Variants in SPINK7 observed in about 807,000 individuals in gnomAD.
The protein encoded by SPINK7 is serine peptidase inhibitor Kazal type 7.
Under a neutral mutation model 11.6 loss-of-function variants are expected in SPINK7, and 8 were observed. The ratio of observed to expected loss-of-function variants is 0.69; its 90% CI spans 0.41 to 1.25. The LOEUF (loss-of-function observed/expected upper bound fraction) is 1.25. Ranked by LOEUF, SPINK7 falls within the 50% of genes most tolerant of loss-of-function variation. The probability of loss-of-function intolerance (pLI) is 0.01; values close to 1 mark genes in which losing one functional copy is unlikely to be tolerated. For missense variants in SPINK7, 113 were observed against 99.3 expected (o/e 1.14, Z -0.58); for synonymous variants, 38 against 35.3 (o/e 1.08, Z -0.27).
chr5:148,312,603 C>A, intron 1 of SPINK7, 59 bp downstream of exon 1: 1 of 966,558 alleles, frequency 1.0e-6, no homozygotes, highest in Non-Finnish European at 1.6e-6. Context: ...ATAAATAATC[C>A]CTCCTGCGAT....
Position 148,315,641 on chromosome 5 carries a change from A to G in SPINK7, c.215A>G (p.Lys72Arg), listed in dbSNP as rs1182952759. 4 of 1,596,704 alleles carry G rather than the reference A, an allele frequency of 2.5e-6. No homozygotes were observed. The highest frequency in any genetic ancestry group is 3.4e-6 in the Non-Finnish European group (4 of 1,164,756). ...NECHLCTESL[K>R]SNGRVQFLHD... ...TTGTGAACTGTGTCTTCCCTTAGGA[A>G]AAGTAATGGAAGAGTTCAGTTTCTT... is the stretch of plus-strand genomic sequence containing the variant. Residue 72 changes from lysine (K) to arginine (R), a missense_variant and splice_region_variant, in exon 4 of 4, where the codon AAA becomes AGA. Coordinates refer to ENST00000274565, the MANE Select transcript of SPINK7 (RefSeq NM_032566.3).
intron 2 of SPINK7, chr5:148,313,880 T>G: frequency 1.8e-6 from 1 of 567,118 alleles, no homozygotes; most frequent in Non-Finnish European, 3.1e-6. Flanking sequence ...GTTTAACGCC[T>G]AGCCCAGAAA....
At chr5:148,313,458 T>C (rs1756888850) in intron 2 of SPINK7, 59 bp downstream of exon 2, 2 of 1,276,360 alleles carry the variant, frequency 1.6e-6, no homozygotes, top group Non-Finnish European at 2.2e-6. Flanking sequence ...TTAGTCAACA[T>C]ATATGTAGGA....
chr5:148,312,524 T>C lies in SPINK7; in HGVS notation c.41T>C (p.Val14Ala). The change falls in exon 1 of 4, where the codon GTC (valine) becomes GCC (alanine). Residue 14 changes from valine to alanine, a missense_variant. Val to Ala is a moderately conservative substitution (Grantham distance 64). Coordinates refer to ENST00000274565, the MANE Select transcript of SPINK7 (RefSeq NM_032566.3). ...GGTCTCCTTCTGCTCTGTACAGTGGTCTATTTCTGTAGCAGCTCAGGTAAG... is the reference window on the plus strand; with the variant it reads ...GGTCTCCTTCTGCTCTGTACAGTGGCCTATTTCTGTAGCAGCTCAGGTAAG... ...TGGLLLLCTV[V>A]YFCSSSEAAS... 6.2e-7 allele frequency: 1 copy of C among 1,608,164 alleles called. No individual in the cohort carries two copies. Among genetic ancestry groups the C allele is most frequent in the Non-Finnish European group, 8.5e-7 (1 of 1,176,306 alleles).
intron 3 of SPINK7, 142 bp downstream of exon 3, chr5:148,314,366 A>G: frequency 1.1e-6 from 1 of 936,956 alleles, no homozygotes; most frequent in Non-Finnish European, 1.6e-6. Flanking sequence ...GGGGATAGAA[A>G]ACTGACTGTT....
chr5:148,313,584 A>C, intron 2 of SPINK7, 185 bp downstream of exon 2: 3 of 425,720 alleles, frequency 7.0e-6, no homozygotes, highest in Non-Finnish European at 1.3e-5. Context: ...ATATTTTAAA[A>C]ATGTTTTTTA....
chr5:148,314,973 C>T (rs1756910944), intron 3 of SPINK7, among the ~76,000 whole-genome samples: 1 of 152,188 alleles, frequency 6.6e-6, no homozygotes, highest in Admixed American at 6.5e-5. Context: ...GATGTCACTT[C>T]TTTGGTACAA....
intron 1 of SPINK7, among the ~76,000 whole-genome samples, chr5:148,312,881 C>G (rs1756879181): frequency 6.6e-6 from 1 of 152,074 alleles, no homozygotes; most frequent in African/African-American, 2.4e-5. Context: ...CTTCCCAAAT[C>G]AGTTTGGGGG....
At chr5:148,313,287 GT>G in intron 1 of SPINK7, 86 bp from the exon 2 acceptor site, 1 of 1,001,600 alleles carries the variant, frequency 1.0e-6, no homozygotes, top group Non-Finnish European at 1.5e-6. Context: ...GAAATGTAGA[GT>G]AATTATATAG....
intron 3 of SPINK7, chr5:148,314,617 A>G (rs1756906205): frequency 5.4e-6 from 1 of 185,914 alleles, no homozygotes. Flanking sequence ...TAAGTAGTGG[A>G]GTGCCATACA....
chr5:148,315,127 C>T (rs960713364), intron 3 of SPINK7, among the ~76,000 whole-genome samples: 2 of 152,126 alleles, frequency 1.3e-5, no homozygotes, highest in East Asian at 3.9e-4. Context: ...AAGCCCTTAG[C>T]CCAAAAGGAC....
chr5:148,312,766 T>C (rs1011883434), intron 1 of SPINK7, among the ~76,000 whole-genome samples: 2 of 152,108 alleles, frequency 1.3e-5, no homozygotes, highest in African/African-American at 4.8e-5. Context: ...AATGATCTAA[T>C]TTCTCTGTAA....
chr5:148,315,670 GATGGAAGTTGCTA>G lies in SPINK7; in HGVS notation c.246_258del (p.Asp82GlufsTer11). 6.3e-7 allele frequency: 1 copy of G among 1,597,380 alleles called. No individual in the cohort carries two copies. Among genetic ancestry groups the G allele is most frequent in the Non-Finnish European group, 8.6e-7 (1 of 1,165,270 alleles). ...TAATGGAAGAGTTCAGTTTCTTCAC[GATGGAAGTTGCTA>G]AATTCTCCATGGACATAGAGAGAAA... On this transcript the variant is annotated frameshift_variant and stop_lost, in exon 4 of 4. Coordinates refer to ENST00000274565, the MANE Select transcript of SPINK7 (RefSeq NM_032566.3). LOFTEE classifies it high-confidence loss of function.
At chr5:148,314,359 G>A in intron 3 of SPINK7, 135 bp downstream of exon 3, 1 of 1,002,840 alleles carries the variant, frequency 1.0e-6, no homozygotes, top group Non-Finnish European at 1.5e-6. Context: ...AGCAGGTGGG[G>A]ATAGAAAACT....
In SPINK7 at chr5:148,315,897, A is replaced by G. The variant is rs1484171629; in HGVS notation, c.*213A>G. The G allele has an allele frequency of 7.6e-6, 3 of 394,520 alleles. No individual in the cohort carries two copies. The highest frequency in any genetic ancestry group is 1.4e-5 in the Non-Finnish European group (3 of 220,906). The allele number at this position is 394,520 out of a possible 1,614,324, so 24.4% of individuals were successfully genotyped here. ...CCAGCATTTTTTTTTTAACACGTCA[A>G]TAAAAAAATAATCTCCCAGAAAGTT... On this transcript the variant is annotated 3_prime_UTR_variant, in exon 4 of 4. Coordinates refer to ENST00000274565, the MANE Select transcript of SPINK7 (RefSeq NM_032566.3).
intron 3 of SPINK7, chr5:148,314,493 C>A: frequency 2.0e-6 from 1 of 501,062 alleles, no homozygotes; most frequent in Non-Finnish European, 3.6e-6. Flanking sequence ...TGTGGATTCT[C>A]AAACTGCTGT....
At position 148,313,426 on chromosome 5, in the gene SPINK7, G is replaced by GTCC. The variant is rs1309933678; in HGVS notation, c.87+29_87+30insCTC. 3 of 1,547,886 alleles carry GTCC rather than the reference G, an allele frequency of 1.9e-6. No homozygotes were observed. In the African/African-American group the frequency reaches 4.1e-5, roughly 21 times the overall value. ...TAAGTATGTTGAATAACATTTTAAT[G>GTCC]TCAATAACTATTGACTGTCATTTAG... is the stretch of plus-strand genomic sequence containing the variant. On this transcript the variant is annotated intron_variant, in intron 2 of 3. Coordinates refer to ENST00000274565, the MANE Select transcript of SPINK7 (RefSeq NM_032566.3).
At chr5:148,312,731 T>A (rs1756876445) in intron 1 of SPINK7, among the ~76,000 whole-genome samples, 187 bp downstream of exon 1, 1 of 152,108 alleles carries the variant, frequency 6.6e-6, no homozygotes, top group African/African-American at 2.4e-5. Context: ...TTTCAAGGAT[T>A]CTTATTTGCA....
chr5:148,315,438 G>C (rs1176548272), intron 3 of SPINK7, among the ~76,000 whole-genome samples: 1 of 152,062 alleles, frequency 6.6e-6, no homozygotes, highest in Non-Finnish European at 1.5e-5. Flanking sequence ...GCAGAGGGGT[G>C]GAATTATCAC....
Sources: gnomAD v4.1 joint callset for allele counts (sites outside exome capture counted in the v4.1 genomes callset) on GRCh38, gnomAD v4.1.1 for gene constraint, MANE v1.5 for transcripts, NCBI Gene and HGNC (gene_info 2026-07-23, HGNC 2026-07-21) for gene names.